CSMD1: variants seen among roughly 807,000 people sequenced by gnomAD.
The protein encoded by CSMD1 is CUB and sushi domain-containing protein 1.
CSMD1 carries 213 observed loss-of-function variants against 417.5 expected under a neutral mutation model. The ratio of observed to expected loss-of-function variants is 0.51; its 90% CI spans 0.46 to 0.57. CSMD1 has a LOEUF of 0.57. CSMD1 is among the 20% of genes least tolerant of loss of function. CSMD1 has a pLI of 0.00. For missense variants in CSMD1, 6,923 were observed against 4,529.7 expected, an observed-to-expected ratio of 1.53 and a Z score of -15.17; for synonymous variants, 2,862 against 1,736.8, an observed-to-expected ratio of 1.65 and a Z score of -16.11.
chr8:4,550,134 T>C (rs965992718), intron 2 of CSMD1, among the ~76,000 whole-genome samples: 1 of 151,798 alleles, frequency 6.6e-6, no homozygotes, highest in Non-Finnish European at 1.5e-5. Flanking sequence ...TCTCCTTTTC[T>C]GCTTGGTGTG....
intron 5 of CSMD1, among the ~76,000 whole-genome samples, chr8:3,769,570 T>C (rs1427835226): frequency 2.0e-5 from 3 of 152,080 alleles, no homozygotes; most frequent in African/African-American, 7.2e-5. Context: ...TGCTTTCCTT[T>C]ACAGATATGT....
chr8:3,733,676 G>C (rs1457367966), intron 6 of CSMD1, among the ~76,000 whole-genome samples: 1 of 152,130 alleles, frequency 6.6e-6, no homozygotes, highest in African/African-American at 2.4e-5. Context: ...CCTGCCTGGA[G>C]TTGGGAGTCA....
intron 2 of CSMD1, among the ~76,000 whole-genome samples, chr8:4,503,958 A>G (rs2130300158): frequency 6.7e-6 from 1 of 149,352 alleles, no homozygotes; most frequent in African/African-American, 2.5e-5. Context: ...CAGCAACACT[A>G]CTTGCATATT....
At chr8:3,396,147 C>T in intron 17 of CSMD1, 47 bp downstream of exon 17, 1 of 1,488,378 alleles carries the variant, frequency 6.7e-7, no homozygotes, top group Non-Finnish European at 9.2e-7. Flanking sequence ...CTTTAGTTCT[C>T]CCATGCATGC....
intron 3 of CSMD1, among the ~76,000 whole-genome samples, chr8:4,333,381 G>A (rs910292425): frequency 3.3e-5 from 5 of 152,088 alleles, no homozygotes; most frequent in Admixed American, 1.3e-4. Flanking sequence ...CTCCAGGGAC[G>A]GCTGACAGGG....
chr8:4,315,204 G>T (rs1369548542), intron 3 of CSMD1, among the ~76,000 whole-genome samples: 1 of 152,120 alleles, frequency 6.6e-6, no homozygotes, highest in Non-Finnish European at 1.5e-5. Flanking sequence ...CCTACCAGAG[G>T]TGGCACTTTC....
chr8:3,530,369 G>A (rs1007835745), intron 10 of CSMD1, among the ~76,000 whole-genome samples: 5 of 152,070 alleles, frequency 3.3e-5, no homozygotes, highest in African/African-American at 9.7e-5. Context: ...ATTTTCATTT[G>A]TCTCAAGGAA....
chr8:4,095,314 T>C (rs778025586), intron 3 of CSMD1, among the ~76,000 whole-genome samples: 4 of 152,176 alleles, frequency 2.6e-5, no homozygotes, highest in South Asian at 2.1e-4. Context: ...TATTACCTGA[T>C]ATAACATTTG....
intron 2 of CSMD1, among the ~76,000 whole-genome samples, chr8:4,436,926 C>A (rs1267794888): frequency 6.6e-6 from 1 of 152,138 alleles, no homozygotes; most frequent in East Asian, 1.9e-4. Context: ...TGTTGATGGA[C>A]ACTGAGGTTG....
chr8:4,603,145 A>T (rs1336940276), intron 2 of CSMD1, among the ~76,000 whole-genome samples: 1 of 152,024 alleles, frequency 6.6e-6, no homozygotes, highest in African/African-American at 2.4e-5. Flanking sequence ...AGACATAGCT[A>T]TATTAATTAC....
intron 1 of CSMD1, among the ~76,000 whole-genome samples, chr8:4,864,500 T>G (rs1218430039): frequency 1.3e-5 from 2 of 151,816 alleles, no homozygotes; most frequent in Non-Finnish European, 2.9e-5. Flanking sequence ...CATTGTTTGA[T>G]TTCTATTTAG....
intron 1 of CSMD1, among the ~76,000 whole-genome samples, chr8:4,988,120 G>C (rs1449177818): frequency 6.6e-6 from 1 of 152,146 alleles, no homozygotes; most frequent in Non-Finnish European, 1.5e-5. Flanking sequence ...ACTGGGAAGA[G>C]ACACCAACAA....
At chr8:4,474,555 G>C (rs909686883) in intron 2 of CSMD1, among the ~76,000 whole-genome samples, 3 of 152,208 alleles carry the variant, frequency 2.0e-5, no homozygotes, top group African/African-American at 4.8e-5. Flanking sequence ...TAGCACTTTT[G>C]AGAGTGAGAG....
intron 3 of CSMD1, among the ~76,000 whole-genome samples, chr8:4,280,655 G>C (rs1796730626): frequency 1.3e-5 from 2 of 152,302 alleles, no homozygotes; most frequent in South Asian, 4.2e-4. Context: ...AGGCTTGTGT[G>C]AATCAGCTCA....
chr8:4,434,392 A>T lies in CSMD1; in HGVS notation c.303-14327T>A, dbSNP rs149158653. ...CTAACTAACTGGATCTAAGAACACT[A>T]AATCTGAGTGTTTGGCAGCACAAGC... On this transcript the variant is annotated intron_variant, in intron 2 of 69. Coordinates refer to ENST00000635120, the MANE Select transcript of CSMD1 (RefSeq NM_033225.6). 7.6e-4 allele frequency among the ~76,000 whole-genome samples: 115 copies of T among 152,286 alleles called. 1 individual carries two copies. Among genetic ancestry groups the T allele is most frequent in the African/African-American group, 2.7e-3 (111 of 41,550 alleles).
intron 3 of CSMD1, among the ~76,000 whole-genome samples, chr8:4,200,164 G>C (rs17069382): frequency 0.19 from 28,346 of 152,102 alleles, 2,838 homozygotes; most frequent in South Asian, 0.24. Context: ...AATTGCAAAA[G>C]CTCCTTTTTA....
chr8:4,177,849 C>T (rs370507603), intron 3 of CSMD1, among the ~76,000 whole-genome samples: 325 of 151,568 alleles, frequency 2.1e-3, no homozygotes, highest in Non-Finnish European at 2.6e-3. Context: ...ATAAATTCCT[C>T]GACACATACA....
At chr8:3,765,453 A>G (rs946292015) in intron 5 of CSMD1, among the ~76,000 whole-genome samples, 1 of 152,122 alleles carries the variant, frequency 6.6e-6, no homozygotes, top group Non-Finnish European at 1.5e-5. Flanking sequence ...TACATTATTA[A>G]TGGTTGTGTA....
chr8:3,850,915 T>C (rs1164749077), intron 5 of CSMD1, among the ~76,000 whole-genome samples: 1 of 152,190 alleles, frequency 6.6e-6, no homozygotes, highest in African/African-American at 2.4e-5. Context: ...TAAAGTTTTC[T>C]AATTTAAAAG....
Sources: gnomAD v4.1 joint callset for allele counts (sites outside exome capture counted in the v4.1 genomes callset) on GRCh38, gnomAD v4.1.1 for gene constraint, MANE v1.5 for transcripts, NCBI Gene and HGNC (gene_info 2026-07-23, HGNC 2026-07-21) for gene names.